Variants in FAM156A observed in about 807,000 individuals in gnomAD.
FAM156A encodes family with sequence similarity 156 member A, also known as protein FAM156A/FAM156B.
chrX:52,983,397 AT>A (rs782736555), intron 1 of FAM156A, among the ~76,000 whole-genome samples: 1 of 112,051 alleles, frequency 8.9e-6, no homozygotes, highest in African/African-American at 3.3e-5. Context: ...AAAAAAAGCT[AT>A]TTTTAATTCC....
At chrX:52,993,371 G>A (rs180842110) in intron 1 of FAM156A, among the ~76,000 whole-genome samples, 1 of 102,933 alleles carries the variant, frequency 9.7e-6, no homozygotes. Context: ...ATAACATCCT[G>A]CCCACTTACC....
chrX:52,991,972 G>A (rs1328627658), intron 1 of FAM156A, among the ~76,000 whole-genome samples: 4 of 105,514 alleles, frequency 3.8e-5, no homozygotes, highest in African/African-American at 1.1e-4. Context: ...CTTGCCCACC[G>A]TCTGATCCGG....
chrX:52,981,825 T>G lies in FAM156A; in HGVS notation c.-434+13481A>C, dbSNP rs782383039. Among the ~76,000 whole-genome samples the G allele has an allele frequency of 6.9e-5, 7 of 101,507 alleles. No individual in the cohort carries two copies. The East Asian group carries it at 2.2e-3, about 32-fold the overall frequency. 88.1% of individuals were successfully genotyped at this position (101,507 alleles called of 115,157 possible). On this transcript the variant is annotated intron_variant, in intron 1 of 4. Transcript: ENST00000610625. ...AATTTAGGAAGGCTGAATGAGGAGC[T>G]TTTTTTTTTTTTCAGGAAAAGGGGA...
chrX:52,982,046 C>T lies in FAM156A; in HGVS notation c.-434+13260G>A, dbSNP rs1929953194. 2.7e-5 allele frequency among the ~76,000 whole-genome samples: 3 copies of T among 111,655 alleles called. No homozygotes were observed. The Admixed American group carries it at 2.9e-4, about 11-fold the overall frequency. On this transcript the variant is annotated intron_variant, in intron 1 of 4. Coordinates refer to the FAM156A transcript ENST00000610625. Reference sequence around the variant, plus strand: ...ATCTCAGTGGATCATGCCTGTAATCCCAGCACTTTGGAAGGCCTAGGAAGG... The same window carrying T: ...ATCTCAGTGGATCATGCCTGTAATCTCAGCACTTTGGAAGGCCTAGGAAGG...
intron 1 of FAM156A, among the ~76,000 whole-genome samples, chrX:52,984,875 C>T (rs1342542881): frequency 3.0e-5 from 3 of 98,465 alleles, no homozygotes; most frequent in Non-Finnish European, 6.2e-5. Flanking sequence ...TCTCAAAAAA[C>T]AAAAAACAAA....
chrX:52,983,553 A>T (rs1930054578), intron 1 of FAM156A, among the ~76,000 whole-genome samples: 1 of 111,498 alleles, frequency 9.0e-6, no homozygotes, highest in African/African-American at 3.3e-5. Context: ...CCTTTGGTTT[A>T]TCTAAGCTTT....
intron 1 of FAM156A, among the ~76,000 whole-genome samples, chrX:52,975,636 T>C (rs1165769225): frequency 1.8e-5 from 2 of 111,351 alleles, no homozygotes; most frequent in African/African-American, 6.5e-5. Context: ...AGTCTAACTA[T>C]TGCACTATGT....
chrX:52,985,614 C>T (rs1032082115), intron 1 of FAM156A, among the ~76,000 whole-genome samples: 8 of 111,268 alleles, frequency 7.2e-5, no homozygotes, highest in African/African-American at 2.6e-4. Context: ...CCCAAAAGCT[C>T]GTTCTTTGAA....
chrX:52,978,688 G>T (rs1016812418), intron 1 of FAM156A, among the ~76,000 whole-genome samples: 2 of 112,538 alleles, frequency 1.8e-5, no homozygotes, highest in African/African-American at 6.5e-5. Context: ...TTTAAGAGAT[G>T]GAGACTTGAA....
intron 1 of FAM156A, among the ~76,000 whole-genome samples, chrX:52,993,251 C>G: frequency 1.8e-5 from 2 of 110,561 alleles, no homozygotes; most frequent in Non-Finnish European, 3.8e-5. Flanking sequence ...GTTCCTTCTG[C>G]CTGGAATGCT....
intron 1 of FAM156A, among the ~76,000 whole-genome samples, chrX:52,976,184 G>A (rs1299983568): frequency 8.9e-6 from 1 of 112,014 alleles, no homozygotes; most frequent in Non-Finnish European, 1.9e-5. Flanking sequence ...GGTGGCTCAC[G>A]CCTGTAATCC....
chrX:52,977,309 C>A (rs1287647664), intron 1 of FAM156A, among the ~76,000 whole-genome samples: 1 of 109,629 alleles, frequency 9.1e-6, no homozygotes, highest in Non-Finnish European at 1.9e-5. Flanking sequence ...ACCTTCACTT[C>A]CCCTCCACAC....
At chrX:52,976,573 T>C (rs782022784) in intron 1 of FAM156A, among the ~76,000 whole-genome samples, 1 of 112,357 alleles carries the variant, frequency 8.9e-6, no homozygotes, top group Non-Finnish European at 1.9e-5. Context: ...TCAAATGTGG[T>C]GCATTCCCTT....
intron 1 of FAM156A, among the ~76,000 whole-genome samples, chrX:52,985,687 A>G (rs987970300): frequency 1.6e-4 from 18 of 111,608 alleles, no homozygotes; most frequent in Middle Eastern, 4.6e-3. Context: ...ACTAATGAAT[A>G]CTAATTCACA....
intron 1 of FAM156A, among the ~76,000 whole-genome samples, chrX:52,990,797 G>GAAAAGAAAAGAAAAGA (rs10547016): frequency 1.4e-5 from 1 of 69,599 alleles, no homozygotes; most frequent in South Asian, 9.2e-4. Flanking sequence ...GAAAAGAAAA[G>GAAAAGAAAAGAAAAGA]AAAGAAAAGA....
chrX:52,991,735 A>T (rs12856593), intron 1 of FAM156A, among the ~76,000 whole-genome samples: 1,255 of 105,731 alleles, frequency 0.012, 4 homozygotes, highest in African/African-American at 0.017. Context: ...GAAGAGGGTA[A>T]GTGGTAGGCA....
intron 1 of FAM156A, among the ~76,000 whole-genome samples, chrX:52,977,157 G>C (rs1190111823): frequency 9.3e-6 from 1 of 107,317 alleles, no homozygotes; most frequent in Admixed American, 1.0e-4. Context: ...AATGAAGAGA[G>C]AGAGTGCACT....
intron 1 of FAM156A, among the ~76,000 whole-genome samples, chrX:52,977,690 C>G (rs1249814428): frequency 9.0e-6 from 1 of 111,255 alleles, no homozygotes; most frequent in Non-Finnish European, 1.9e-5. Context: ...CCTGCCTTGG[C>G]CTCCTAAGAT....
chrX:52,980,505 C>T (rs1929788823), intron 1 of FAM156A, among the ~76,000 whole-genome samples: 1 of 111,917 alleles, frequency 8.9e-6, no homozygotes, highest in Admixed American at 9.5e-5. Context: ...TGGAAACATG[C>T]CCAGTAGATC....
Sources: allele counts gnomAD v4.1 joint callset (sites outside exome capture counted in the v4.1 genomes callset), GRCh38; gene constraint gnomAD v4.1.1; transcripts MANE v1.5; gene names NCBI Gene and HGNC (gene_info 2026-07-23, HGNC 2026-07-21).